LMLN: variants seen among roughly 807,000 people sequenced by gnomAD.
The protein encoded by LMLN is leishmanolysin like peptidase.
LMLN carries 70 observed loss-of-function variants against 92.3 expected under a neutral mutation model. The ratio of observed to expected loss-of-function variants is 0.76; its 90% CI spans 0.63 to 0.92. The LOEUF (loss-of-function observed/expected upper bound fraction) is 0.92. LMLN is among the 40% of genes least tolerant of loss of function. LMLN has a pLI of 0.00. For missense variants in LMLN, 691 were observed against 814.6 expected (o/e 0.85, Z 1.85); for synonymous variants, 308 against 296.2 (o/e 1.04, Z -0.41).
At chr3:198,001,615 A>G (rs1324721113) in intron 11 of LMLN, among the ~76,000 whole-genome samples, 2 of 152,188 alleles carry the variant, frequency 1.3e-5, no homozygotes, top group African/African-American at 4.8e-5. Flanking sequence ...CGTAACTCAC[A>G]TTGTAGTTGC....
chr3:198,024,268 T>C (rs1266176605), intron 13 of LMLN, among the ~76,000 whole-genome samples: 1 of 148,964 alleles, frequency 6.7e-6, no homozygotes, highest in South Asian at 2.1e-4. Context: ...CAGGCTGGAG[T>C]GCAGTGGTAC....
intron 14 of LMLN, among the ~76,000 whole-genome samples, chr3:198,028,270 G>T (rs547379082): frequency 4.6e-5 from 7 of 151,822 alleles, no homozygotes; most frequent in African/African-American, 1.7e-4. Flanking sequence ...TCGATGAACC[G>T]ACATCATCAT....
chr3:197,976,550 A>C, intron 4 of LMLN, 48 bp from the exon 5 acceptor site: 1 of 1,091,454 alleles, frequency 9.2e-7, no homozygotes, highest in African/African-American at 1.6e-5. Flanking sequence ...ACTGCTATAA[A>C]ATATTCTCTT....
At chr3:197,991,041 A>G (rs1430492793) in intron 9 of LMLN, among the ~76,000 whole-genome samples, 3 of 152,086 alleles carry the variant, frequency 2.0e-5, no homozygotes, top group African/African-American at 4.8e-5. Context: ...ATACATCTGT[A>G]TACACAAAGA....
intron 9 of LMLN, among the ~76,000 whole-genome samples, chr3:197,992,289 C>T (rs1232008378): frequency 6.6e-6 from 1 of 152,000 alleles, no homozygotes; most frequent in Non-Finnish European, 1.5e-5. Context: ...ACAGAGGGGG[C>T]ACTGGTGACC....
chr3:197,994,678 A>T (rs1721968452), intron 9 of LMLN: 1 of 152,254 alleles, frequency 6.6e-6, no homozygotes, highest in Non-Finnish European at 1.5e-5. Flanking sequence ...TGCAAGGATG[A>T]CATGCAAATT....
At chr3:197,984,688 A>G (rs1721653170) in intron 7 of LMLN, among the ~76,000 whole-genome samples, 1 of 151,350 alleles carries the variant, frequency 6.6e-6, no homozygotes, top group Non-Finnish European at 1.5e-5. Flanking sequence ...GGCTCAAGTG[A>G]TCCTCCTGTC....
chr3:198,023,395 C>G (rs1023453015), intron 13 of LMLN, among the ~76,000 whole-genome samples: 7 of 152,110 alleles, frequency 4.6e-5, no homozygotes, highest in Non-Finnish European at 7.4e-5. Flanking sequence ...TGCTATGTTA[C>G]CCAGACTGGC....
chr3:198,008,254 A>G (rs1439151801), intron 11 of LMLN, among the ~76,000 whole-genome samples: 3 of 152,144 alleles, frequency 2.0e-5, no homozygotes, highest in Non-Finnish European at 4.4e-5. Context: ...CAATTATATT[A>G]TGTCAGTTAA....
At chr3:197,979,992 G>A (rs1721511525) in intron 5 of LMLN, among the ~76,000 whole-genome samples, 1 of 151,868 alleles carries the variant, frequency 6.6e-6, no homozygotes, top group East Asian at 1.9e-4. Flanking sequence ...CTACTTTTAG[G>A]GAAATCCCTT....
intron 9 of LMLN, among the ~76,000 whole-genome samples, chr3:197,991,454 G>A (rs79572178): frequency 0.025 from 3,863 of 152,202 alleles, 75 homozygotes; most frequent in East Asian, 0.073. Context: ...GAAGTTGGGC[G>A]AGTTCAAATC....
At chr3:197,976,616 A>G (rs762564504) in exon 5 of LMLN, 11 of 1,593,436 alleles carry the variant, frequency 6.9e-6, no homozygotes, top group African/African-American at 6.7e-5. Context: ...CAACAAACCA[A>G]TACCTCCGGA....
intron 1 of LMLN, among the ~76,000 whole-genome samples, chr3:197,972,904 T>G (rs925846664): frequency 1.3e-5 from 2 of 152,162 alleles, no homozygotes; most frequent in Non-Finnish European, 2.9e-5. Flanking sequence ...TGTGGCTTCT[T>G]CTCTTGCAAG....
At chr3:198,032,866 C>T (rs1431844463) in intron 14 of LMLN, among the ~76,000 whole-genome samples, 4 of 152,196 alleles carry the variant, frequency 2.6e-5, no homozygotes, top group Non-Finnish European at 4.4e-5. Flanking sequence ...TCCAGCTGGT[C>T]GCAGTGAGGG....
chr3:198,006,264 T>C (rs971372910), intron 11 of LMLN, among the ~76,000 whole-genome samples: 7 of 152,244 alleles, frequency 4.6e-5, no homozygotes, highest in Non-Finnish European at 1.0e-4. Flanking sequence ...TCACTTTTCA[T>C]GGCTGGTTAA....
chr3:197,996,969 C>CGTTT (rs1188456256), intron 10 of LMLN, among the ~76,000 whole-genome samples: 2 of 151,804 alleles, frequency 1.3e-5, no homozygotes, highest in Non-Finnish European at 2.9e-5. Context: ...TGTGTTCGTT[C>CGTTT]GTTTGTTCGT....
intron 1 of LMLN, among the ~76,000 whole-genome samples, chr3:197,961,885 T>G (rs756427116): frequency 6.6e-6 from 1 of 152,200 alleles, no homozygotes; most frequent in Non-Finnish European, 1.5e-5. Flanking sequence ...TCAGAATAAT[T>G]TAATGAACCC....
intron 7 of LMLN, among the ~76,000 whole-genome samples, chr3:197,985,390 TACACAC>T (rs142039210): frequency 1.9e-3 from 266 of 142,476 alleles, no homozygotes; most frequent in Middle Eastern, 3.6e-3. Flanking sequence ...TTTCATAATG[TACACAC>T]ACACACACAC....
At chr3:197,960,814 G>C (rs1330107979) in intron 1 of LMLN, among the ~76,000 whole-genome samples, 1 of 152,136 alleles carries the variant, frequency 6.6e-6, no homozygotes, top group East Asian at 1.9e-4. Flanking sequence ...TACGTTCCCA[G>C]CTGGTTGGTG....
Sources: gnomAD v4.1 joint callset for allele counts (sites outside exome capture counted in the v4.1 genomes callset) on GRCh38, gnomAD v4.1.1 for gene constraint, MANE v1.5 for transcripts, NCBI Gene and HGNC (gene_info 2026-07-23, HGNC 2026-07-21) for gene names.